Variants in DDX6 observed in about 807,000 individuals in gnomAD.
DDX6 encodes probable ATP-dependent RNA helicase DDX6.
A neutral mutation model predicts 60.6 loss-of-function variants in DDX6; 7 were observed. The ratio of observed to expected loss-of-function variants is 0.12; its 90% CI spans 0.07 to 0.22. The LOEUF is 0.22. Among genes scored for constraint, DDX6 ranks in the 10% least tolerant of loss-of-function variants. The pLI, the probability that DDX6 is intolerant of heterozygous loss-of-function variation, is 1.00. For missense variants in DDX6, 270 were observed against 589.9 expected (o/e 0.46, Z 5.62); for synonymous variants, 207 against 201.0 (o/e 1.03, Z -0.25).
intron 2 of DDX6, among the ~76,000 whole-genome samples, chr11:118,781,584 T>C (rs1861901865): frequency 6.6e-6 from 1 of 152,150 alleles, no homozygotes. Context: ...CCTCCCAAAG[T>C]GATAGGATTA....
In DDX6 at chr11:118,786,054, A is replaced by G. The variant is rs575048997; in HGVS notation, c.198T>C (p.Ile66=). 2 of 1,612,772 alleles carry G rather than the reference A, an allele frequency of 1.2e-6. No homozygotes were observed. Among genetic ancestry groups the G allele is most frequent in the South Asian group, 2.2e-5 (2 of 90,898 alleles). ...QQQAQSMTTT[I]KPGDDWKKTL... ...TAATAATTTACTCTAACACTTACTTAATAGTGGTGGTCATACTCTGTGCTT... is the reference window on the plus strand; with the variant it reads ...TAATAATTTACTCTAACACTTACTTGATAGTGGTGGTCATACTCTGTGCTT... The change falls in exon 2 of 14, where the codon ATT becomes ATC. Residue 66 remains isoleucine, a splice_region_variant and synonymous_variant. Transcript: ENST00000534980.
intron 11 of DDX6, 25 bp from the exon 12 acceptor site, chr11:118,755,528 A>G: frequency 8.3e-6 from 11 of 1,320,262 alleles, no homozygotes; most frequent in South Asian, 1.2e-5. Context: ...GATAATTTTC[A>G]TTTTTTCAAT....
intron 3 of DDX6, 121 bp downstream of exon 3, chr11:118,781,000 A>C: frequency 1.6e-6 from 1 of 630,836 alleles, no homozygotes; most frequent in Non-Finnish European, 2.9e-6. Flanking sequence ...ACTGGGTTGG[A>C]GGAGGAGGGT....
intron 4 of DDX6, among the ~76,000 whole-genome samples, chr11:118,769,871 AT>A (rs1382465227): frequency 6.1e-5 from 9 of 148,524 alleles, no homozygotes; most frequent in Admixed American, 1.3e-4. Flanking sequence ...CACCCGGCTA[AT>A]TTTTTTTTTG....
chr11:118,759,610 T>A (rs1861097652), intron 8 of DDX6, among the ~76,000 whole-genome samples: 1 of 152,196 alleles, frequency 6.6e-6, no homozygotes, highest in Non-Finnish European at 1.5e-5. Flanking sequence ...GGATTTCAGT[T>A]TAGGATACTC....
chr11:118,773,132 G>C (rs1861589910), intron 4 of DDX6, among the ~76,000 whole-genome samples: 1 of 152,090 alleles, frequency 6.6e-6, no homozygotes, highest in Non-Finnish European at 1.5e-5. Context: ...ATTAAAGAAT[G>C]GTTTATTTTC....
chr11:118,771,010 G>T (rs1591908188), intron 4 of DDX6, among the ~76,000 whole-genome samples: 2 of 152,152 alleles, frequency 1.3e-5, no homozygotes, highest in South Asian at 2.1e-4. Context: ...TAACCCTTTG[G>T]TCTTAAATTT....
Position 118,781,259 on chromosome 11 carries a change from T to C in DDX6, c.201-75A>G, listed in dbSNP as rs913345023. On this transcript the variant is annotated intron_variant, in intron 2 of 13. Coordinates refer to ENST00000534980, the MANE Select transcript of DDX6 (RefSeq NM_004397.6). Reference sequence around the variant, plus strand: ...CAAAGATGATTCATCTCAATTATAATTAAGTGTTAAAAAAGCACAGTAAGT... The same window carrying C: ...CAAAGATGATTCATCTCAATTATAACTAAGTGTTAAAAAAGCACAGTAAGT... 1.3e-5 allele frequency: 12 copies of C among 928,944 alleles called. No individual in the cohort carries two copies. In the South Asian group the frequency reaches 1.9e-4, roughly 15 times the overall value. The allele number at this position is 928,944 out of a possible 1,614,324, so 57.5% of individuals were successfully genotyped here.
chr11:118,779,517 T>A, intron 4 of DDX6, 115 bp downstream of exon 4: 1 of 605,682 alleles, frequency 1.7e-6, no homozygotes, highest in Non-Finnish European at 2.8e-6. Context: ...TCAGAAAAAG[T>A]GTGTATACGT....
rs148460605 is a variant in DDX6, at chr11:118,784,522, G to C, written c.200+1530C>G. Among the ~76,000 whole-genome samples, 746 of 149,974 alleles carry C rather than the reference G, an allele frequency of 5.0e-3. 8 individuals are homozygous for C. The highest frequency in any genetic ancestry group is 0.029 in the Middle Eastern group (8 of 280). ...TGCCCAGGCTGGAGTGCAGTGACAC[G>C]ATCTTGGCTCTCTGCAACCTCCACC... On this transcript the variant is annotated intron_variant, in intron 2 of 13. Coordinates refer to ENST00000534980, the MANE Select transcript of DDX6 (RefSeq NM_004397.6).
At chr11:118,780,242 GA>G (rs1447205263) in intron 3 of DDX6, among the ~76,000 whole-genome samples, 3 of 149,378 alleles carry the variant, frequency 2.0e-5, no homozygotes, top group African/African-American at 7.4e-5. Flanking sequence ...TTTTCCTGAA[GA>G]AAAACCACTG....
In DDX6 at chr11:118,750,825, G is replaced by A. The variant is rs1279472220; in HGVS notation, c.*1280C>T. On this transcript the variant is annotated 3_prime_UTR_variant, in exon 14 of 14. Transcript: ENST00000534980. The stretch of plus-strand genomic sequence containing the variant: ...TTTTGAAGCTTCCTTGCTCTCTCTG[G>A]TAAACCTACTCCAAAGGTACTAGAT... 1.3e-5 allele frequency: 2 copies of A among 152,162 alleles called. No individual in the cohort carries two copies. The highest frequency in any genetic ancestry group is 4.8e-5 in the African/African-American group (2 of 41,304). 9.4% of individuals were successfully genotyped at this position (152,162 alleles called of 1,614,324 possible).
At chr11:118,758,474 A>G (rs1555159477) in intron 9 of DDX6, among the ~76,000 whole-genome samples, 2 of 152,144 alleles carry the variant, frequency 1.3e-5, no homozygotes. Context: ...CCTGGGTTCA[A>G]GCAATTCTCC....
At position 118,786,392 on chromosome 11, in the gene DDX6, C is replaced by T; in HGVS notation, c.-141G>A. 2 of 612,334 alleles carry T rather than the reference C, an allele frequency of 3.3e-6. No individual in the cohort carries two copies. The highest frequency in any genetic ancestry group is 5.3e-6 in the Non-Finnish European group (2 of 375,094). 37.9% of individuals were successfully genotyped at this position (612,334 alleles called of 1,614,324 possible). A position where few individuals can be genotyped will look rare whatever the true frequency, so the allele number is the denominator to read the frequency against. Reference sequence around the variant, plus strand: ...AATAAATGAGTCCTTTATTGCAATGCAGGCAAGCACCTGTAAGTCTCTGAA... The same window carrying T: ...AATAAATGAGTCCTTTATTGCAATGTAGGCAAGCACCTGTAAGTCTCTGAA... On this transcript the variant is annotated 5_prime_UTR_variant, in exon 2 of 14. Coordinates refer to ENST00000534980, the MANE Select transcript of DDX6 (RefSeq NM_004397.6).
chr11:118,776,978 A>T (rs782178290), intron 4 of DDX6, among the ~76,000 whole-genome samples: 1 of 152,032 alleles, frequency 6.6e-6, no homozygotes, highest in African/African-American at 2.4e-5. Context: ...TTGATACTTT[A>T]TCCAGCCAAA....
At chr11:118,765,387 T>C (rs1555161101) in intron 5 of DDX6, 32 bp from the exon 6 acceptor site, 25 of 1,611,290 alleles carry the variant, frequency 1.6e-5, no homozygotes, top group South Asian at 2.2e-5. Flanking sequence ...TATAAGAAAA[T>C]ATGGGGTGAG....
At chr11:118,783,493 A>AT (rs1197854776) in intron 2 of DDX6, among the ~76,000 whole-genome samples, 1 of 152,182 alleles carries the variant, frequency 6.6e-6, no homozygotes, top group East Asian at 1.9e-4. Flanking sequence ...CCAGCCCCAG[A>AT]ATTTTTTAAA....
intron 6 of DDX6, among the ~76,000 whole-genome samples, chr11:118,764,292 T>C (rs1861274591): frequency 6.6e-6 from 1 of 152,204 alleles, no homozygotes; most frequent in Non-Finnish European, 1.5e-5. Context: ...CACTCGGCAA[T>C]GTATCATGAA....
chr11:118,788,047 A>C (rs1862136206), intron 1 of DDX6: 1 of 151,910 alleles, frequency 6.6e-6, no homozygotes, highest in Non-Finnish European at 1.5e-5. Flanking sequence ...ACGGTAGCTC[A>C]CGCCTGTAAT....
Sources: allele counts gnomAD v4.1 joint callset (sites outside exome capture counted in the v4.1 genomes callset), GRCh38; gene constraint gnomAD v4.1.1; transcripts MANE v1.5; gene names NCBI Gene and HGNC (gene_info 2026-07-23, HGNC 2026-07-21).